TXNRD1: variants seen among roughly 807,000 people sequenced by gnomAD.
TXNRD1 encodes the protein thioredoxin reductase 1.
In TXNRD1, 57 loss-of-function variants were observed where a neutral mutation model predicts 80.3. That is an observed-to-expected ratio of 0.71 (90% CI 0.57 to 0.89). The LOEUF is 0.89. Ranked by LOEUF, TXNRD1 falls within the 40% of genes least tolerant of loss-of-function variation. The pLI is 0.00. For missense variants in TXNRD1, 730 were observed against 803.0 expected, an observed-to-expected ratio of 0.91 and a Z score of 1.10; for synonymous variants, 291 against 285.2, an observed-to-expected ratio of 1.02 and a Z score of -0.20.
chr12:104,264,923 G>A (rs2033441714), intron 3 of TXNRD1, among the ~76,000 whole-genome samples: 2 of 152,158 alleles, frequency 1.3e-5, no homozygotes, highest in Admixed American at 6.6e-5. Flanking sequence ...AACTTCATAA[G>A]CTCAAAGAGT....
rs1446453051 is a variant in TXNRD1 at position 104,305,371 on chromosome 12, AC to A, written c.415-5917del. The stretch of plus-strand genomic sequence containing the variant: ...TAAAAAACAAAAGTTAAAAAAAAAA[AC>A]CTGTCTGTAAGGCAGTGAATATGCA... On this transcript the variant is annotated intron_variant, in intron 4 of 16. Transcript: ENST00000525566. 2.8e-5 allele frequency among the ~76,000 whole-genome samples: 4 copies of A among 145,094 alleles called. No homozygotes were observed. In the South Asian group the frequency reaches 8.9e-4, roughly 32 times the overall value.
At chr12:104,276,407 C>G (rs1330091273) in intron 3 of TXNRD1, among the ~76,000 whole-genome samples, 1 of 152,152 alleles carries the variant, frequency 6.6e-6, no homozygotes, top group African/African-American at 2.4e-5. Context: ...GGAGCTGGCT[C>G]GTACCAGCTC....
chr12:104,324,874 A>G lies in TXNRD1; in HGVS notation c.1216-463A>G, dbSNP rs369967001. ...CTTTGTAACTGTTACCCATATCACT[A>G]TGGACCTGCTGTAATGTAATCTATC... On this transcript the variant is annotated intron_variant, in intron 10 of 16. Transcript: ENST00000525566. 4.5e-4 allele frequency among the ~76,000 whole-genome samples: 68 copies of G among 152,286 alleles called. No homozygotes were observed. In the East Asian group the frequency reaches 8.9e-3, roughly 20 times the overall value.
intron 15 of TXNRD1, among the ~76,000 whole-genome samples, chr12:104,334,556 A>G (rs2036068841): frequency 6.6e-6 from 1 of 152,088 alleles, no homozygotes; most frequent in African/African-American, 2.4e-5. Context: ...TAATTTTTGT[A>G]GACGGGGGTT....
intron 7 of TXNRD1, among the ~76,000 whole-genome samples, chr12:104,318,022 T>G (rs948651484): frequency 2.0e-5 from 3 of 152,314 alleles, no homozygotes; most frequent in Non-Finnish European, 4.4e-5. Flanking sequence ...ACACTTGTAG[T>G]CCCAGCTACT....
chr12:104,316,483 G>A (rs961832637), intron 7 of TXNRD1, among the ~76,000 whole-genome samples: 4 of 152,124 alleles, frequency 2.6e-5, no homozygotes, highest in Non-Finnish European at 4.4e-5. Context: ...TCCGCCTCCC[G>A]GGTTCACACC....
chr12:104,334,225 G>A lies in TXNRD1; in HGVS notation c.1651-12G>A. The A allele has an allele frequency of 6.8e-7, 1 of 1,470,738 alleles. No homozygotes were observed. Among genetic ancestry groups the A allele is most frequent in the Non-Finnish European group, 9.1e-7 (1 of 1,102,800 alleles). 91.1% of individuals were successfully genotyped at this position (1,470,738 alleles called of 1,614,324 possible). On this transcript the variant is annotated splice_polypyrimidine_tract_variant and intron_variant, in intron 14 of 16. Coordinates refer to ENST00000525566, the MANE Select transcript of TXNRD1 (RefSeq NM_001093771.3). ...AATAATGGGTCTAAATTTTGCTTTT[G>A]TATCTTCTTAGGTTTACCATAGTTA...
intron 3 of TXNRD1, chr12:104,265,602 G>A: frequency 1.9e-6 from 3 of 1,607,610 alleles, no homozygotes; most frequent in Non-Finnish European, 8.5e-7. Flanking sequence ...GGGAATACCG[G>A]GACCTGACCA....
intron 4 of TXNRD1, among the ~76,000 whole-genome samples, chr12:104,292,160 G>C (rs1191639477): frequency 6.6e-6 from 1 of 152,200 alleles, no homozygotes; most frequent in Non-Finnish European, 1.5e-5. Context: ...TTCACAGTGA[G>C]TGTACTATAG....
chr12:104,251,670 T>C lies in TXNRD1; in HGVS notation c.235T>C (p.Cys79Arg), dbSNP rs763321370. ...VIFSRSTCTR[C>R]TEVKKLFKSL... ...CTTCAGTAGGTCCACATGCACACGCTGTACTGAGGTAAGGCTTTAAACTCA... is the reference window on the plus strand; with the variant it reads ...CTTCAGTAGGTCCACATGCACACGCCGTACTGAGGTAAGGCTTTAAACTCA... Residue 79 changes from cysteine (C) to arginine (R), a missense_variant, in exon 2 of 17, where the codon TGT becomes CGT. By Grantham distance (180) the Cys-to-Arg change is radical. Coordinates refer to ENST00000525566, the MANE Select transcript of TXNRD1 (RefSeq NM_001093771.3). The C allele has an allele frequency of 2.5e-6, 4 of 1,613,454 alleles. No homozygotes were observed. The highest frequency in any genetic ancestry group is 3.4e-6 in the Non-Finnish European group (4 of 1,179,764).
chr12:104,267,699 T>TTCTTTCTTTCTTTCTCTC (rs1555209251), intron 3 of TXNRD1, among the ~76,000 whole-genome samples: 1 of 46,416 alleles, frequency 2.2e-5, no homozygotes, highest in Non-Finnish European at 4.7e-5. Flanking sequence ...CTTTCTTTCT[T>TTCTTTCTTTCTTTCTCTC]TCTCTCTTTC....
chr12:104,224,889 A>T lies in TXNRD1; in HGVS notation c.91+8996A>T, dbSNP rs1176106030. On this transcript the variant is annotated intron_variant, in intron 1 of 16. Transcript: ENST00000525566. ...GACTCACTGGAATCCTACAAATGGG[A>T]CATCTCAGGCAGGTAAAATTGCCAT... 3 of 456,542 alleles carry T rather than the reference A, an allele frequency of 6.6e-6. No individual in the cohort carries two copies. The East Asian group carries it at 2.1e-4, about 32-fold the overall frequency. 28.3% of individuals were successfully genotyped at this position (456,542 alleles called of 1,614,324 possible).
intron 2 of TXNRD1, 103 bp from the exon 3 acceptor site, chr12:104,257,916 T>A (rs561125818): frequency 2.4e-6 from 2 of 832,710 alleles, no homozygotes; most frequent in African/African-American, 3.5e-5. Context: ...TTTTCAAAGG[T>A]GAAGGCTGGT....
At chr12:104,258,247 C>T in intron 3 of TXNRD1, 168 bp downstream of exon 3, 1 of 568,336 alleles carries the variant, frequency 1.8e-6, no homozygotes, top group Non-Finnish European at 3.1e-6. Context: ...TGGAGCTAAT[C>T]ATATTCACCT....
chr12:104,315,919 T>C, intron 7 of TXNRD1, 23 bp downstream of exon 7: 9 of 1,599,526 alleles, frequency 5.6e-6, no homozygotes, highest in Non-Finnish European at 7.7e-6. Flanking sequence ...AAAGCTACTC[T>C]TCTGTTTGTG....
At chr12:104,295,681 T>C (rs7294778) in intron 4 of TXNRD1, among the ~76,000 whole-genome samples, 73,949 of 152,058 alleles carry the variant, frequency 0.49, 18,485 homozygotes, top group East Asian at 0.62. Flanking sequence ...AACCCACTTT[T>C]CCAACTGCCT....
chr12:104,239,961 T>C (rs2032824439), intron 1 of TXNRD1, among the ~76,000 whole-genome samples: 1 of 152,212 alleles, frequency 6.6e-6, no homozygotes, highest in Non-Finnish European at 1.5e-5. Flanking sequence ...TATTATTCCT[T>C]TTATATATTG....
chr12:104,327,723 G>A, intron 13 of TXNRD1, 52 bp downstream of exon 13: 2 of 1,564,088 alleles, frequency 1.3e-6, no homozygotes, highest in Non-Finnish European at 1.7e-6. Flanking sequence ...AATACTCCCA[G>A]TTCCTTATTT....
chr12:104,254,644 A>AAAAAAAAAAAAAAAATATATATATAT, intron 2 of TXNRD1, among the ~76,000 whole-genome samples: 2 of 93,630 alleles, frequency 2.1e-5, no homozygotes, highest in Admixed American at 2.6e-4. Flanking sequence ...AAAAAAAAAA[A>AAAAAAAAAAAAAAAATATATATATAT]ATATATATAT....
Sources: gnomAD v4.1 joint callset for allele counts (sites outside exome capture counted in the v4.1 genomes callset) on GRCh38, gnomAD v4.1.1 for gene constraint, MANE v1.5 for transcripts, NCBI Gene and HGNC (gene_info 2026-07-23, HGNC 2026-07-21) for gene names.